SVEP1: variants seen among roughly 807,000 people sequenced by gnomAD.
SVEP1 encodes the protein sushi, von Willebrand factor type A, EGF and pentraxin domain containing 1.
SVEP1 carries 164 observed loss-of-function variants against 367.3 expected under a neutral mutation model. The observed-to-expected ratio is 0.45, with a 90% CI of 0.39 to 0.51. SVEP1 has a LOEUF of 0.51. Among genes scored for constraint, SVEP1 ranks in the 20% least tolerant of loss-of-function variants. The probability of loss-of-function intolerance (pLI) is 0.00; values close to 1 mark genes in which losing one functional copy is unlikely to be tolerated. For missense variants in SVEP1, 4,117 were observed against 4,425.3 expected, an observed-to-expected ratio of 0.93 and a Z score of 1.98; for synonymous variants, 1,666 against 1,611.6, an observed-to-expected ratio of 1.03 and a Z score of -0.81.
At chr9:110,375,489 A>AAAAAAAAAC (rs1827338310) in intron 45 of SVEP1, 26 bp from the exon 46 acceptor site, 2 of 1,362,592 alleles carry the variant, frequency 1.5e-6, no homozygotes, top group Non-Finnish European at 1.0e-6. Context: ...AAAAAAAAAA[A>AAAAAAAAAC]AGGAGGCAGG....
intron 21 of SVEP1, among the ~76,000 whole-genome samples, chr9:110,455,947 G>A (rs577349538): frequency 1.3e-5 from 2 of 152,248 alleles, no homozygotes; most frequent in East Asian, 3.9e-4. Context: ...AATTAGAAGT[G>A]GGGTAGGAGC....
At chr9:110,513,160 T>C in intron 4 of SVEP1, 55 bp from the exon 5 acceptor site, 3 of 1,494,106 alleles carry the variant, frequency 2.0e-6, no homozygotes, top group Non-Finnish European at 2.7e-6. Context: ...GTCTATGACA[T>C]ATCCTTTTTT....
chr9:110,399,710 T>A (rs1827826907), intron 40 of SVEP1, among the ~76,000 whole-genome samples: 1 of 152,018 alleles, frequency 6.6e-6, no homozygotes, highest in African/African-American at 2.4e-5. Flanking sequence ...TTTTCTGTAT[T>A]TTTTGTGGAG....
rs919903739 is a variant in SVEP1 at position 110,578,928 on chromosome 9, G to T, written c.531+85C>A. On this transcript the variant is annotated intron_variant, in intron 1 of 47. Transcript: ENST00000374469. ...GGGTGGTTATGCCTTGCCCAGGACT[G>T]AACCCCGGGATAGAGACGGGCAGGC... The T allele has an allele frequency of 1.8e-5, 27 of 1,461,498 alleles. No individual in the cohort carries two copies. The South Asian group carries it at 2.8e-4, about 15-fold the overall frequency. 90.5% of individuals were successfully genotyped at this position (1,461,498 alleles called of 1,614,324 possible).
chr9:110,449,921 T>C, intron 24 of SVEP1, 138 bp downstream of exon 24: 1 of 1,007,432 alleles, frequency 9.9e-7, no homozygotes. Flanking sequence ...GGTGGGAATA[T>C]TCAGCTGTAG....
chr9:110,579,087 G>A lies in SVEP1; in HGVS notation c.457C>T (p.Leu153Phe). 6.4e-7 allele frequency: 1 copy of A among 1,551,994 alleles called. No homozygotes were observed. ...GAGATGGCAGGGATCTCTTGGAGGAGCAGCGCGCACTTGTGCTGGCGCGCG... is the reference window on the plus strand; with the variant it reads ...GAGATGGCAGGGATCTCTTGGAGGAACAGCGCGCACTTGTGCTGGCGCGCG... ...RRARQHKCAL[L>F]LQEIPAISYR... Residue 153 changes from leucine (L) to phenylalanine (F), a missense_variant, in exon 1 of 48, where the codon CTC becomes TTC. Coordinates refer to ENST00000374469, the MANE Select transcript of SVEP1 (RefSeq NM_153366.4). This position sits in a 1 kb window ranked among gnomAD's most constrained non-coding sequence, Gnocchi z 5.3.
rs1172280368 is a variant in SVEP1 at position 110,513,366 on chromosome 9, C to T, written c.1124-261G>A. 5.9e-5 allele frequency among the ~76,000 whole-genome samples: 9 copies of T among 152,146 alleles called. No homozygotes were observed. The East Asian group carries it at 1.7e-3, about 29-fold the overall frequency. Reference sequence around the variant, plus strand: ...AGCTTTAAAAAATTTATTTTGATATCTATATGGATATGAGATTTTATAGTT... The same window carrying T: ...AGCTTTAAAAAATTTATTTTGATATTTATATGGATATGAGATTTTATAGTT... On this transcript the variant is annotated intron_variant, in intron 4 of 47. Transcript: ENST00000374469.
intron 1 of SVEP1, among the ~76,000 whole-genome samples, chr9:110,554,596 A>G (rs527719262): frequency 1.6e-4 from 24 of 152,346 alleles, no homozygotes; most frequent in African/African-American, 5.8e-4. Context: ...CATGCCCAGA[A>G]GAATCAGGAG....
At chr9:110,450,320 C>A (rs1218372611) in intron 23 of SVEP1, 60 bp from the exon 24 acceptor site, 1 of 1,530,090 alleles carries the variant, frequency 6.5e-7, no homozygotes, top group Non-Finnish European at 9.0e-7. Flanking sequence ...AACACTGTAA[C>A]TAAAGTGTTG....
Position 110,445,898 on chromosome 9 carries a change from G to C in SVEP1, c.4402C>G (p.Pro1468Ala), listed in dbSNP as rs776105711. ...KSSDDMNYGT[P>A]ISYAVDNGSD... ...CCGTTATCAACTGCATAGGAGATTG[G>C]TGTTCCATAGTTCATGTCGTCAGAG... Residue 1468 changes from proline (P) to alanine (A), a missense_variant, in exon 26 of 48, where the codon CCA (proline) becomes GCA (alanine). Pro to Ala is a conservative substitution (Grantham distance 27, BLOSUM62 -1). Transcript: ENST00000374469. 5.0e-6 allele frequency: 8 copies of C among 1,613,824 alleles called. No individual in the cohort carries two copies. In the South Asian group the frequency reaches 7.7e-5, roughly 16 times the overall value.
At chr9:110,399,468 C>A (rs10817012) in intron 40 of SVEP1, among the ~76,000 whole-genome samples, 39,687 of 151,704 alleles carry the variant, frequency 0.26, 5,595 homozygotes, top group South Asian at 0.33. Context: ...TGCACATGTA[C>A]CCTAAAACTT....
chr9:110,391,324 G>A (rs985294141), intron 40 of SVEP1, among the ~76,000 whole-genome samples: 1 of 146,732 alleles, frequency 6.8e-6, no homozygotes, highest in Admixed American at 6.9e-5. Flanking sequence ...AGGCTGGAAT[G>A]CAGTGGTGCA....
At chr9:110,544,351 A>T (rs541611314) in intron 3 of SVEP1, among the ~76,000 whole-genome samples, 1 of 152,310 alleles carries the variant, frequency 6.6e-6, no homozygotes, top group South Asian at 2.1e-4. Context: ...TTCCATGGGG[A>T]TACAGTTTTC....
intron 3 of SVEP1, among the ~76,000 whole-genome samples, chr9:110,537,887 G>T (rs980030599): frequency 6.6e-6 from 1 of 151,614 alleles, no homozygotes; most frequent in African/African-American, 2.4e-5. Flanking sequence ...TGAAGATCAT[G>T]ATTCAGTTAG....
At chr9:110,389,280 G>C (rs1055443504) in intron 41 of SVEP1, among the ~76,000 whole-genome samples, 1 of 152,086 alleles carries the variant, frequency 6.6e-6, no homozygotes, top group African/African-American at 2.4e-5. Flanking sequence ...TAAACAAACT[G>C]TTTGCCATTC....
chr9:110,371,393 C>T (rs1039848278), intron 46 of SVEP1, among the ~76,000 whole-genome samples: 1 of 152,104 alleles, frequency 6.6e-6, no homozygotes, highest in Non-Finnish European at 1.5e-5. Flanking sequence ...CAGTATTCCA[C>T]TCAGGGCCAC....
In SVEP1 at chr9:110,446,035, T is replaced by G; in HGVS notation, c.4265A>C (p.Gln1422Pro). 1 of 1,606,444 alleles carries G rather than the reference T, an allele frequency of 6.2e-7. No homozygotes were observed. The highest frequency in any genetic ancestry group is 8.5e-7 in the Non-Finnish European group (1 of 1,175,976). The change falls in exon 26 of 48, where the codon CAG (glutamine) becomes CCG (proline). Residue 1422 changes from glutamine (Q) to proline (P), a missense_variant. Gln to Pro is a moderately conservative substitution (Grantham distance 76, BLOSUM62 -1). Coordinates refer to ENST00000374469, the MANE Select transcript of SVEP1 (RefSeq NM_153366.4). ...GFSGKRCETE[Q>P]STGFNLDFEV... is the part of the protein sequence containing the mutation. ...AAAATCCAGGTTAAAGCCTGTAGAC[T>G]GTTCTGCAATGAATAAGAAAAGTGT...
chr9:110,502,855 A>G (rs369696541), intron 6 of SVEP1, among the ~76,000 whole-genome samples, 183 bp downstream of exon 6: 6 of 150,932 alleles, frequency 4.0e-5, no homozygotes, highest in African/African-American at 1.2e-4. Flanking sequence ...AAGTTCCTTT[A>G]CTAGTGGAGA....
At chr9:110,508,760 C>CAAAAAAAA (rs11316319) in intron 5 of SVEP1, among the ~76,000 whole-genome samples, 113 of 76,460 alleles carry the variant, frequency 1.5e-3, no homozygotes, top group East Asian at 3.2e-3. Context: ...GACTCCATCT[C>CAAAAAAAA]AAAAAAAAAA....
Sources: gnomAD v4.1 joint callset for allele counts (sites outside exome capture counted in the v4.1 genomes callset) on GRCh38, gnomAD v4.1.1 for gene constraint, Gnocchi (gnomAD v3.1) non-coding constraint, MANE v1.5 for transcripts, NCBI Gene and HGNC (gene_info 2026-07-23, HGNC 2026-07-21) for gene names.